PCDHA3: variants seen among roughly 807,000 people sequenced by gnomAD.
PCDHA3 encodes protocadherin alpha 3.
PCDHA3 carries 41 observed loss-of-function variants against 62.2 expected under a neutral mutation model. That is an observed-to-expected ratio of 0.66 (90% CI 0.51 to 0.86). PCDHA3 has a LOEUF of 0.86. Among genes scored for constraint, PCDHA3 ranks in the 40% least tolerant of loss-of-function variants. PCDHA3 has a pLI of 0.00. For missense variants in PCDHA3, 1,304 were observed against 1,241.2 expected (o/e 1.05, Z -0.76); for synonymous variants, 640 against 555.4 (o/e 1.15, Z -2.14).
chr5:140,895,561 T>C (rs1011627715), intron 1 of PCDHA3, among the ~76,000 whole-genome samples: 2 of 152,240 alleles, frequency 1.3e-5, no homozygotes, highest in Non-Finnish European at 2.9e-5. Flanking sequence ...TCTTTATATA[T>C]TCTAGATGCA....
intron 1 of PCDHA3, among the ~76,000 whole-genome samples, chr5:140,820,687 A>G (rs1312592028): frequency 6.6e-6 from 1 of 152,116 alleles, no homozygotes; most frequent in African/African-American, 2.4e-5. Context: ...GGTTAATAAA[A>G]TGATATTCTT....
At position 140,877,889 on chromosome 5, in the gene PCDHA3, G is replaced by A. The variant is rs904032241; in HGVS notation, c.2394+74298G>A. On this transcript the variant is annotated intron_variant, in intron 1 of 3. Coordinates refer to ENST00000522353, the MANE Select transcript of PCDHA3 (RefSeq NM_018906.3). ...ATATTTGTTTCCTTGAAGAACTTCC[G>A]TTTAGGTTATAACTACATTCTCTCA... 3.3e-5 allele frequency: 48 copies of A among 1,457,998 alleles called. No homozygotes were observed. The African/African-American group carries it at 6.0e-4, about 18-fold the overall frequency. 90.3% of individuals were successfully genotyped at this position (1,457,998 alleles called of 1,614,324 possible). A position where few individuals can be genotyped will look rare whatever the true frequency, so the allele number is the denominator to read the frequency against.
chr5:140,823,991 T>G (rs2150131216), intron 1 of PCDHA3: 2 of 1,613,888 alleles, frequency 1.2e-6, no homozygotes, highest in Admixed American at 3.3e-5. Flanking sequence ...CCCACTCTGT[T>G]GTGCTCCAGC....
chr5:140,867,157 C>T (rs1194187128), intron 1 of PCDHA3: 2 of 152,166 alleles, frequency 1.3e-5, no homozygotes, highest in East Asian at 3.9e-4. Context: ...CCAGAGTAAA[C>T]CTTCTAAGGT....
chr5:140,808,444 A>C, intron 1 of PCDHA3: 3 of 1,614,178 alleles, frequency 1.9e-6, no homozygotes, highest in Non-Finnish European at 2.5e-6. Context: ...AGAGCGTGTC[A>C]GCCTATGAGC....
intron 1 of PCDHA3, chr5:140,884,340 C>G (rs1480799859): frequency 1.2e-6 from 2 of 1,613,772 alleles, no homozygotes; most frequent in South Asian, 1.1e-5. Flanking sequence ...GGTCCAGAAG[C>G]GGCGCTGGTG....
chr5:140,926,948 CG>C, intron 1 of PCDHA3: 2 of 1,589,778 alleles, frequency 1.3e-6, no homozygotes, highest in African/African-American at 1.3e-5. Context: ...GGCGCTGCAG[CG>C]GGACAGCTCG....
chr5:140,842,598 C>T lies in PCDHA3; in HGVS notation c.2394+39007C>T, dbSNP rs1554139208. Reference sequence around the variant, plus strand: ...GTGTCGGCCTATGAGTTGGTGGTAACCGCGCGGGACGGGGGCTCGCCTTCG... The same window carrying T: ...GTGTCGGCCTATGAGTTGGTGGTAATCGCGCGGGACGGGGGCTCGCCTTCG... On this transcript the variant is annotated intron_variant, in intron 1 of 3. Transcript: ENST00000522353. 3 of 1,542,098 alleles carry T rather than the reference C, an allele frequency of 1.9e-6. 1 individual carries two copies. Among genetic ancestry groups the T allele is most frequent in the Non-Finnish European group, 2.7e-6 (3 of 1,131,600 alleles).
At chr5:140,927,419 G>A (rs781883331) in intron 1 of PCDHA3, 1 of 1,614,140 alleles carries the variant, frequency 6.2e-7, no homozygotes, top group South Asian at 1.1e-5. Flanking sequence ...ATGGGATCGC[G>A]GGTTGACGGC....
chr5:140,857,815 G>A (rs782354426), intron 1 of PCDHA3: 2 of 1,597,792 alleles, frequency 1.3e-6, no homozygotes, highest in East Asian at 4.5e-5. Context: ...CGGGTCACGT[G>A]GTGGCTAAGG....
At chr5:140,836,208 T>A (rs2150255452) in intron 1 of PCDHA3, 31 of 1,613,658 alleles carry the variant, frequency 1.9e-5, no homozygotes, top group Non-Finnish European at 2.6e-5. Flanking sequence ...GTGGCTTTCG[T>A]ATGAGTTGCA....
rs530482397 is a variant in PCDHA3, at chr5:140,923,460, T to C, written c.2395-55489T>C. ...GGAGGATCACCTGAGCCCAGAGAGG[T>C]AGGGGCTGCAGTGAGCCATCTTCAC... On this transcript the variant is annotated intron_variant, in intron 1 of 3. Coordinates refer to ENST00000522353, the MANE Select transcript of PCDHA3 (RefSeq NM_018906.3). Among the ~76,000 whole-genome samples, 704 of 151,994 alleles carry C rather than the reference T, an allele frequency of 4.6e-3. 3 individuals carry two copies. Among genetic ancestry groups the C allele is most frequent in the African/African-American group, 0.016 (681 of 41,446 alleles).
chr5:140,877,663 C>T (rs1554169960), intron 1 of PCDHA3: 22 of 1,613,432 alleles, frequency 1.4e-5, no homozygotes, highest in Admixed American at 1.7e-5. Context: ...CACCGTGAGC[C>T]GGTGCGCGCC....
chr5:140,831,524 T>G lies in PCDHA3; in HGVS notation c.2394+27933T>G, dbSNP rs1771606843. ...GAGCACCACCATGCCCCCCACCTTT[T>G]TTTTTTTTTTTTTTTTTTTTAAGAG... On this transcript the variant is annotated intron_variant, in intron 1 of 3. Coordinates refer to ENST00000522353, the MANE Select transcript of PCDHA3 (RefSeq NM_018906.3). Among the ~76,000 whole-genome samples, 5 of 26,740 alleles carry G rather than the reference T, an allele frequency of 1.9e-4. No individual in the cohort carries two copies. The South Asian group carries it at 4.8e-3, about 26-fold the overall frequency. 17.5% of individuals were successfully genotyped at this position (26,740 alleles called of 152,430 possible).
intron 1 of PCDHA3, chr5:140,883,598 G>A: frequency 6.2e-7 from 1 of 1,614,008 alleles, no homozygotes; most frequent in Middle Eastern, 1.7e-4. Context: ...CGTGTCGGTG[G>A]GGGTGGCCGA....
Position 140,803,233 on chromosome 5 carries a change from C to T in PCDHA3, c.2036C>T (p.Ser679Leu). ...LVESGQAPKA[S>L]SQASAGATGP... ...GAGAGTGGCCAGGCACCCAAGGCCT[C>T]GTCCCAGGCGTCCGCTGGCGCCACG... The change falls in exon 1 of 4, where the codon TCG becomes TTG. Residue 679 changes from serine to leucine, a missense_variant. By Grantham distance (145) the Ser-to-Leu change is moderately radical. Coordinates refer to ENST00000522353, the MANE Select transcript of PCDHA3 (RefSeq NM_018906.3). 3 of 1,613,760 alleles carry T rather than the reference C, an allele frequency of 1.9e-6. No individual in the cohort carries two copies. The highest frequency in any genetic ancestry group is 2.2e-5 in the South Asian group (2 of 91,070).
chr5:140,848,575 G>A lies in PCDHA3; in HGVS notation c.2394+44984G>A, dbSNP rs1554142211. 6 of 1,595,558 alleles carry A rather than the reference G, an allele frequency of 3.8e-6. 1 individual carries two copies. In the East Asian group the frequency reaches 1.3e-4, roughly 36 times the overall value. ...CTGATCCTCGCAATGTGGGTGGTGG[G>A]GAGCGGCCAGCTCCACTACTCCGTC... On this transcript the variant is annotated intron_variant, in intron 1 of 3. Coordinates refer to ENST00000522353, the MANE Select transcript of PCDHA3 (RefSeq NM_018906.3).
intron 1 of PCDHA3, chr5:140,850,726 CG>C: frequency 6.3e-7 from 1 of 1,597,804 alleles, no homozygotes; most frequent in Non-Finnish European, 8.6e-7. Context: ...TGTTCTAGCG[CG>C]GTGGGGAGTT....
chr5:140,856,215 C>A lies in PCDHA3; in HGVS notation c.2394+52624C>A, dbSNP rs781995878. ...GCGCAGGACCTGGGGCTGGAGCTGGCGGAGCTGGTGCAGCGCCTGTTCCGG... is the reference window on the plus strand; with the variant it reads ...GCGCAGGACCTGGGGCTGGAGCTGGAGGAGCTGGTGCAGCGCCTGTTCCGG... On this transcript the variant is annotated intron_variant, in intron 1 of 3. Coordinates refer to ENST00000522353, the MANE Select transcript of PCDHA3 (RefSeq NM_018906.3). 3 of 1,597,902 alleles carry A rather than the reference C, an allele frequency of 1.9e-6. No individual in the cohort carries two copies. Among genetic ancestry groups the A allele is most frequent in the African/African-American group, 1.3e-5 (1 of 74,266 alleles).
Sources: allele counts gnomAD v4.1 joint callset (sites outside exome capture counted in the v4.1 genomes callset), GRCh38; gene constraint gnomAD v4.1.1; transcripts MANE v1.5; gene names NCBI Gene and HGNC (gene_info 2026-07-23, HGNC 2026-07-21).